Variants in GALNT13 observed in about 807,000 individuals in gnomAD.
GALNT13 encodes UDP-GalNAc:polypeptide N-acetylgalactosaminyltransferase 13.
Under a neutral mutation model 64.2 loss-of-function variants are expected in GALNT13, and 28 were observed. That is an observed-to-expected ratio of 0.44 (90% confidence interval 0.32 to 0.60). The LOEUF (loss-of-function observed/expected upper bound fraction) is 0.60. Among genes scored for constraint, GALNT13 ranks in the 20% least tolerant of loss-of-function variants. GALNT13 has a pLI of 0.05. For synonymous variants in GALNT13, 214 were observed against 224.6 expected (o/e 0.95, Z 0.42); for missense variants, 577 against 669.8 (o/e 0.86, Z 1.53).
intron 3 of GALNT13, among the ~76,000 whole-genome samples, chr2:154,052,253 AT>A (rs1327315051): frequency 2.0e-5 from 3 of 152,198 alleles, no homozygotes. Context: ...AAAGAAAAAA[AT>A]ATCATAACCA....
At chr2:153,181,026 G>GTTTTTTTTTT in the GALNT13 span, among the ~76,000 whole-genome samples, 1 of 24,778 alleles carries the variant, frequency 4.0e-5, no homozygotes, top group Non-Finnish European at 7.9e-5. Context: ...GGTTTTTATT[G>GTTTTTTTTTT]TTTCTTTTTT....
intron 3 of GALNT13, among the ~76,000 whole-genome samples, chr2:153,990,642 C>T (rs1695099592): frequency 6.6e-6 from 1 of 151,982 alleles, no homozygotes; most frequent in African/African-American, 2.4e-5. Flanking sequence ...GAGTGGGGCT[C>T]TGTGACTTTG....
the GALNT13 span, among the ~76,000 whole-genome samples, chr2:153,403,554 A>T: frequency 1.3e-5 from 2 of 152,166 alleles, no homozygotes; most frequent in Non-Finnish European, 2.9e-5. Context: ...GTTTGATCTC[A>T]GACTGCTGTG....
At chr2:154,005,165 A>G (rs1200153327) in intron 3 of GALNT13, among the ~76,000 whole-genome samples, 1 of 152,084 alleles carries the variant, frequency 6.6e-6, no homozygotes, top group Non-Finnish European at 1.5e-5. Context: ...AATTTATATG[A>G]TGGTTATATT....
intron 3 of GALNT13, among the ~76,000 whole-genome samples, chr2:154,090,173 T>C (rs1701736322): frequency 6.6e-6 from 1 of 152,102 alleles, no homozygotes; most frequent in Non-Finnish European, 1.5e-5. Flanking sequence ...AACTTTAGTG[T>C]GGAATACTCC....
the GALNT13 span, among the ~76,000 whole-genome samples, chr2:153,114,680 C>A: frequency 6.6e-6 from 1 of 151,898 alleles, no homozygotes; most frequent in Admixed American, 6.6e-5. Flanking sequence ...ACCTACCTGG[C>A]GGTGGAAAGA....
At chr2:153,798,741 A>T in the GALNT13 span, among the ~76,000 whole-genome samples, 3 of 152,144 alleles carry the variant, frequency 2.0e-5, no homozygotes, top group Non-Finnish European at 4.4e-5. Context: ...CAGATGCATC[A>T]ATTTTCAAAT....
At chr2:154,165,781 A>G (rs1301176088) in intron 4 of GALNT13, among the ~76,000 whole-genome samples, 1 of 152,194 alleles carries the variant, frequency 6.6e-6, no homozygotes, top group Non-Finnish European at 1.5e-5. Flanking sequence ...AAATTAGACC[A>G]AGATCTGGAC....
chr2:153,632,480 T>G, the GALNT13 span, among the ~76,000 whole-genome samples: 1 of 152,130 alleles, frequency 6.6e-6, no homozygotes, highest in South Asian at 2.1e-4. Flanking sequence ...ATACAATAGT[T>G]TCACTGCCTG....
the GALNT13 span, among the ~76,000 whole-genome samples, chr2:153,488,762 T>TC: frequency 1.3e-5 from 2 of 152,146 alleles, no homozygotes; most frequent in Admixed American, 1.3e-4. Flanking sequence ...TTTGACTGCC[T>TC]CCCCTCCAAA....
intron 3 of GALNT13, among the ~76,000 whole-genome samples, chr2:154,020,095 G>C (rs60176541): frequency 2.0e-5 from 3 of 152,026 alleles, no homozygotes. Context: ...TTACTAGTCT[G>C]TCGTTGTTGC....
At chr2:153,426,777 T>C in the GALNT13 span, among the ~76,000 whole-genome samples, 1 of 151,968 alleles carries the variant, frequency 6.6e-6, no homozygotes, top group African/African-American at 2.4e-5. Flanking sequence ...AAGTATAGAA[T>C]TGGACAATTC....
chr2:153,799,859 A>G, the GALNT13 span, among the ~76,000 whole-genome samples: 2 of 152,124 alleles, frequency 1.3e-5, no homozygotes, highest in Admixed American at 6.6e-5. Flanking sequence ...GAGGAAATGG[A>G]ACAAAGCTAC....
the GALNT13 span, among the ~76,000 whole-genome samples, chr2:153,167,786 A>G: frequency 2.0e-5 from 3 of 152,178 alleles, no homozygotes; most frequent in Non-Finnish European, 4.4e-5. Flanking sequence ...TCTATGGGCT[A>G]ATTTTTGCAT....
the GALNT13 span, among the ~76,000 whole-genome samples, chr2:153,624,221 T>G: frequency 6.6e-6 from 1 of 152,242 alleles, no homozygotes; most frequent in African/African-American, 2.4e-5. Flanking sequence ...TGAAGGCTTA[T>G]TATGATCCCA....
At chr2:153,613,847 G>A in the GALNT13 span, among the ~76,000 whole-genome samples, 5 of 151,824 alleles carry the variant, frequency 3.3e-5, no homozygotes, top group East Asian at 1.9e-4. Flanking sequence ...GGAACATCAC[G>A]CACTGGGGCC....
At chr2:154,239,251 A>T (rs962724568) in intron 4 of GALNT13, among the ~76,000 whole-genome samples, 1 of 152,174 alleles carries the variant, frequency 6.6e-6, no homozygotes, top group Non-Finnish European at 1.5e-5. Context: ...TTGACATTTT[A>T]AATCATTTAA....
chr2:154,330,209 G>A (rs1695093095), intron 9 of GALNT13, among the ~76,000 whole-genome samples: 1 of 152,056 alleles, frequency 6.6e-6, no homozygotes, highest in Non-Finnish European at 1.5e-5. Flanking sequence ...TAAATACAGA[G>A]AGAATGACCA....
chr2:153,378,305 TAGATAA>T, the GALNT13 span, among the ~76,000 whole-genome samples: 2,045 of 139,332 alleles, frequency 0.015, 37 homozygotes, highest in African/African-American at 0.051. Context: ...GATAGATAGA[TAGATAA>T]TTTTTTTTTT....
Sources: gnomAD v4.1 joint callset for allele counts (sites outside exome capture counted in the v4.1 genomes callset) on GRCh38, gnomAD v4.1.1 for gene constraint, MANE v1.5 for transcripts, NCBI Gene and HGNC (gene_info 2026-07-23, HGNC 2026-07-21) for gene names.